CAMKMT: variants seen among roughly 807,000 people sequenced by gnomAD.
CAMKMT encodes the protein CaM KMT.
CAMKMT carries 53 observed loss-of-function variants against 48.0 expected under a neutral mutation model. That is an observed-to-expected ratio of 1.10 (90% CI 0.89 to 1.39). The LOEUF (loss-of-function observed/expected upper bound fraction) is 1.39. Ranked by LOEUF, CAMKMT falls within the 40% of genes most tolerant of loss-of-function variation. The probability of loss-of-function intolerance (pLI) is 0.00; values close to 1 mark genes in which losing one functional copy is unlikely to be tolerated. For synonymous variants in CAMKMT, 165 were observed against 152.3 expected (o/e 1.08, Z -0.61); for missense variants, 428 against 402.7 (o/e 1.06, Z -0.54).
Position 44,601,181 on chromosome 2 carries a change from A to G in CAMKMT, c.377-103102A>G, listed in dbSNP as rs1248421882. 2.0e-5 allele frequency among the ~76,000 whole-genome samples: 3 copies of G among 152,080 alleles called. No individual in the cohort carries two copies. The East Asian group carries it at 5.8e-4, about 29-fold the overall frequency. On this transcript the variant is annotated intron_variant, in intron 3 of 10. Transcript: ENST00000378494. ...TGCCATTACTCTTTTAGAAAAAGTC[A>G]TATGGTGGCTCACGCCTGTAATCCC... is the stretch of plus-strand genomic sequence containing the variant.
At chr2:44,408,932 G>T (rs539073953) in intron 3 of CAMKMT, among the ~76,000 whole-genome samples, 2 of 151,658 alleles carry the variant, frequency 1.3e-5, no homozygotes, top group Non-Finnish European at 2.9e-5. Flanking sequence ...TATAGAGACA[G>T]TGTTTTGCCA....
intron 3 of CAMKMT, among the ~76,000 whole-genome samples, chr2:44,567,485 C>T (rs1405968353): frequency 6.6e-6 from 1 of 152,106 alleles, no homozygotes. Flanking sequence ...TGCTTCTCTC[C>T]CATGTCAATC....
chr2:44,647,613 T>G (rs997236438), intron 3 of CAMKMT, among the ~76,000 whole-genome samples: 2 of 151,858 alleles, frequency 1.3e-5, no homozygotes, highest in African/African-American at 4.8e-5. Flanking sequence ...TTTGTGAATA[T>G]TGAAACTATG....
rs535828362 is a variant in CAMKMT at position 44,716,783 on chromosome 2, C to T, written c.623+1430C>T. Among the ~76,000 whole-genome samples the T allele has an allele frequency of 1.2e-3, 178 of 152,194 alleles. 1 individual carries two copies. Among genetic ancestry groups the T allele is most frequent in the Non-Finnish European group, 2.0e-3 (136 of 68,020 alleles). ...ATCAAAAGTGCATTTTCTATGTTGT[C>T]CTCATTTACATTTATTTAATGTTTA... On this transcript the variant is annotated intron_variant, in intron 7 of 10. Coordinates refer to ENST00000378494, the MANE Select transcript of CAMKMT (RefSeq NM_024766.5).
intron 7 of CAMKMT, among the ~76,000 whole-genome samples, chr2:44,738,258 C>T (rs1490555452): frequency 1.3e-5 from 2 of 152,152 alleles, no homozygotes; most frequent in Non-Finnish European, 2.9e-5. Context: ...AGGTAGGGCT[C>T]ATTTCATTTA....
intron 3 of CAMKMT, among the ~76,000 whole-genome samples, chr2:44,546,943 T>A (rs1327817806): frequency 1.3e-5 from 2 of 152,152 alleles, no homozygotes; most frequent in African/African-American, 2.4e-5. Flanking sequence ...TAAAGTTGCC[T>A]TTTTAGTGGG....
chr2:44,725,013 A>G (rs1678701008), intron 7 of CAMKMT, among the ~76,000 whole-genome samples: 1 of 152,190 alleles, frequency 6.6e-6, no homozygotes, highest in South Asian at 2.1e-4. Context: ...GGGACAGTTC[A>G]CCACAATGAA....
intron 3 of CAMKMT, among the ~76,000 whole-genome samples, chr2:44,394,161 G>A (rs1432922466): frequency 1.3e-5 from 2 of 152,060 alleles, no homozygotes; most frequent in Non-Finnish European, 2.9e-5. Flanking sequence ...TTAAAGGATA[G>A]GAGGTCAGCA....
chr2:44,447,441 A>G (rs939517847), intron 3 of CAMKMT, among the ~76,000 whole-genome samples: 2 of 152,214 alleles, frequency 1.3e-5, no homozygotes, highest in African/African-American at 4.8e-5. Flanking sequence ...CCATGTTGAT[A>G]TATGTGAATG....
intron 9 of CAMKMT, among the ~76,000 whole-genome samples, chr2:44,755,025 C>T (rs1223670165): frequency 6.6e-6 from 1 of 152,208 alleles, no homozygotes; most frequent in Non-Finnish European, 1.5e-5. Context: ...TCTTCTGACT[C>T]AGTGAGACTT....
chr2:44,631,486 T>G (rs1257020626), intron 3 of CAMKMT: 7 of 615,046 alleles, frequency 1.1e-5, no homozygotes, highest in Non-Finnish European at 2.0e-5. Context: ...ATTTTTTTTG[T>G]ACAGATGATG....
intron 3 of CAMKMT, chr2:44,676,710 T>A (rs981867768): frequency 6.6e-6 from 1 of 152,232 alleles, no homozygotes; most frequent in Non-Finnish European, 1.5e-5. Flanking sequence ...GGAAGGTGTT[T>A]GGCTAGTCAC....
rs578072915 is a variant in CAMKMT at position 44,604,697 on chromosome 2, C to T, written c.377-99586C>T. Among the ~76,000 whole-genome samples the T allele has an allele frequency of 2.6e-5, 4 of 152,044 alleles. No homozygotes were observed. The East Asian group carries it at 5.8e-4, about 22-fold the overall frequency. On this transcript the variant is annotated intron_variant, in intron 3 of 10. Coordinates refer to ENST00000378494, the MANE Select transcript of CAMKMT (RefSeq NM_024766.5). Reference sequence around the variant, plus strand: ...TTTCACTGTAAACTTTCAGGATCTCCATCTTCCTTGATTTCCACTCTATGC... The same window carrying T: ...TTTCACTGTAAACTTTCAGGATCTCTATCTTCCTTGATTTCCACTCTATGC...
At chr2:44,536,554 C>G (rs1196546916) in intron 3 of CAMKMT, among the ~76,000 whole-genome samples, 3 of 151,970 alleles carry the variant, frequency 2.0e-5, no homozygotes, top group Non-Finnish European at 4.4e-5. Context: ...TTTCATACTC[C>G]TGACCTCAAG....
intron 3 of CAMKMT, among the ~76,000 whole-genome samples, chr2:44,470,666 T>C (rs981802584): frequency 1.3e-5 from 2 of 152,194 alleles, no homozygotes; most frequent in Non-Finnish European, 1.5e-5. Context: ...TAAAATGATA[T>C]CCAGACAAAG....
At chr2:44,680,511 G>C (rs139959714) in intron 3 of CAMKMT, among the ~76,000 whole-genome samples, 2 of 152,146 alleles carry the variant, frequency 1.3e-5, no homozygotes, top group African/African-American at 4.8e-5. Context: ...GGGAAGTGCC[G>C]GCCAGCTCAG....
intron 3 of CAMKMT, among the ~76,000 whole-genome samples, chr2:44,542,742 G>GTCCCT (rs1667200368): frequency 1.3e-5 from 2 of 152,146 alleles, no homozygotes; most frequent in Non-Finnish European, 2.9e-5. Flanking sequence ...TAGAAGCAGG[G>GTCCCT]ACAGTATTCC....
At chr2:44,533,204 C>A (rs1666584718) in intron 3 of CAMKMT, among the ~76,000 whole-genome samples, 1 of 151,654 alleles carries the variant, frequency 6.6e-6, no homozygotes, top group Non-Finnish European at 1.5e-5. Context: ...TTCTGAGGGG[C>A]AAATCCAGTA....
chr2:44,376,413 C>G (rs1469191636), intron 2 of CAMKMT, among the ~76,000 whole-genome samples: 2 of 139,538 alleles, frequency 1.4e-5, no homozygotes, highest in Admixed American at 1.4e-4. Flanking sequence ...AAGTGAGACT[C>G]TGTATCAAAA....
Sources: gnomAD v4.1 joint callset for allele counts (sites outside exome capture counted in the v4.1 genomes callset) on GRCh38, gnomAD v4.1.1 for gene constraint, MANE v1.5 for transcripts, NCBI Gene and HGNC (gene_info 2026-07-23, HGNC 2026-07-21) for gene names.